Variants in SYNE2 observed in about 807,000 individuals in gnomAD.
The protein encoded by SYNE2 is spectrin repeat containing nuclear envelope protein 2, also known as nesprin-2.
SYNE2 carries 431 observed loss-of-function variants against 856.3 expected under a neutral mutation model. The observed-to-expected ratio is 0.50, with a 90% CI of 0.47 to 0.55. The LOEUF is 0.55. SYNE2 is among the 20% of genes least tolerant of loss of function. SYNE2 has a pLI of 0.00. For missense variants in SYNE2, 8,129 were observed against 8,023.2 expected, an observed-to-expected ratio of 1.01 and a Z score of -0.50; for synonymous variants, 2,923 against 2,872.3, an observed-to-expected ratio of 1.02 and a Z score of -0.56.
chr14:63,996,829 A>G, intron 23 of SYNE2, 118 bp from the exon 24 acceptor site: 5 of 930,354 alleles, frequency 5.4e-6, no homozygotes, highest in Non-Finnish European at 6.8e-6. Flanking sequence ...CATAGCATGT[A>G]GATGGCCTAT....
chr14:64,025,054 T>C (rs993667654), intron 40 of SYNE2, 23 bp downstream of exon 40: 3 of 1,614,016 alleles, frequency 1.9e-6, no homozygotes, highest in Non-Finnish European at 2.5e-6. Context: ...TTGTATGAAA[T>C]ACATTACCTG....
intron 63 of SYNE2, among the ~76,000 whole-genome samples, chr14:64,100,940 G>A (rs2097723937): frequency 1.3e-5 from 2 of 151,714 alleles, no homozygotes; most frequent in Non-Finnish European, 1.5e-5. Context: ...TCACTTAACA[G>A]AAGATCCTCT....
At chr14:64,150,074 C>G (rs182311455) in intron 84 of SYNE2, among the ~76,000 whole-genome samples, 170 of 127,198 alleles carry the variant, frequency 1.3e-3, no homozygotes, top group Non-Finnish European at 1.9e-3. Flanking sequence ...TGCAGTGTTG[C>G]AATCATAACT....
At chr14:64,174,918 C>A in intron 94 of SYNE2, 26 bp from the exon 95 acceptor site, 1 of 1,606,858 alleles carries the variant, frequency 6.2e-7, no homozygotes, top group Non-Finnish European at 8.5e-7. Context: ...GAAACCTAAG[C>A]AAATTACTTC....
intron 70 of SYNE2, 96 bp downstream of exon 70, chr14:64,122,523 G>A: frequency 1.3e-6 from 2 of 1,541,450 alleles, no homozygotes; most frequent in Non-Finnish European, 1.8e-6. Flanking sequence ...AGAAAGCAAA[G>A]TTGCCAAGTG....
Position 64,029,939 on chromosome 14 carries a change from A to C in SYNE2, c.6759A>C (p.Ser2253=). 1 of 1,614,106 alleles carries C rather than the reference A, an allele frequency of 6.2e-7. No individual in the cohort carries two copies. Among genetic ancestry groups the C allele is most frequent in the Non-Finnish European group, 8.5e-7 (1 of 1,180,004 alleles). ...NLDGHVREHD[S]YQVCVTDLNT... ...ACGGTCACGTTCGAGAACATGATTC[A>C]TACCAGGTTTGCGTCACAGACCTGA... Residue 2253 remains serine (S), a synonymous_variant, in exon 44 of 116, where the codon TCA becomes TCC. Transcript: ENST00000555002.
intron 1 of SYNE2, among the ~76,000 whole-genome samples, chr14:63,894,986 T>C (rs1446310673): frequency 1.3e-5 from 2 of 152,248 alleles, no homozygotes; most frequent in African/African-American, 4.8e-5. Context: ...TAGCATGTTG[T>C]CTACAAATTA....
chr14:63,852,892 G>A (rs1890683064), upstream of SYNE2: 1 of 151,728 alleles, frequency 6.6e-6, no homozygotes, highest in South Asian at 2.1e-4. Flanking sequence ...TGGCGGGCGC[G>A]CTCTACACTG....
At chr14:63,816,468 A>C (rs1205385423) in intron 1 of SYNE2, among the ~76,000 whole-genome samples, 1 of 152,242 alleles carries the variant, frequency 6.6e-6, no homozygotes, top group East Asian at 1.9e-4. Context: ...TACCCAAAAT[A>C]TGCTACCTTG....
In SYNE2 at chr14:64,132,409, T is replaced by C. The variant is rs1326268470; in HGVS notation, c.14485T>C (p.Cys4829Arg). ...VKILEEKSRQ[C>R]GMKLQSLLQK... ...AATACTAGAAGAAAAGTCACGCCAA[T>C]GTGGTATGAAGCTGCAGAGTTTGTT... The change falls in exon 77 of 116, where the codon TGT (cysteine) becomes CGT (arginine). Residue 4829 changes from cysteine (C) to arginine (R), a missense_variant. Transcript: ENST00000555002. 4.3e-6 allele frequency: 7 copies of C among 1,614,036 alleles called. No homozygotes were observed. Among genetic ancestry groups the C allele is most frequent in the South Asian group, 3.3e-5 (3 of 91,086 alleles).
chr14:64,172,750 G>A (rs1320191194), intron 94 of SYNE2, among the ~76,000 whole-genome samples: 1 of 151,974 alleles, frequency 6.6e-6, no homozygotes, highest in Non-Finnish European at 1.5e-5. Context: ...GTACAACATA[G>A]TGAGACCCCT....
chr14:63,788,850 C>T (rs1026865336), intron 1 of SYNE2, among the ~76,000 whole-genome samples: 8 of 152,168 alleles, frequency 5.3e-5, no homozygotes, highest in African/African-American at 1.9e-4. Context: ...CCAGCAATTC[C>T]GCTGCTGCGT....
chr14:64,196,880 A>C (rs1219322552), intron 99 of SYNE2: 1 of 152,176 alleles, frequency 6.6e-6, no homozygotes, highest in African/African-American at 2.4e-5. Context: ...AGCAGGGGAG[A>C]AGGTGTCTTC....
At chr14:64,009,220 A>G (rs1040216545) in intron 31 of SYNE2, among the ~76,000 whole-genome samples, 1 of 152,090 alleles carries the variant, frequency 6.6e-6, no homozygotes, top group African/African-American at 2.4e-5. Flanking sequence ...AAAAGACTAA[A>G]TCCAGAATGA....
chr14:63,772,085 G>T (rs1390566787), intron 1 of SYNE2, among the ~76,000 whole-genome samples: 1 of 152,226 alleles, frequency 6.6e-6, no homozygotes, highest in African/African-American at 2.4e-5. Context: ...GGGTGTGGTG[G>T]CTCATGCCTG....
At chr14:64,149,043 C>T (rs936196802) in intron 84 of SYNE2, among the ~76,000 whole-genome samples, 1 of 150,206 alleles carries the variant, frequency 6.7e-6, no homozygotes, top group Non-Finnish European at 1.5e-5. Context: ...TGCAGTTGCT[C>T]ACACCTGTAA....
intron 97 of SYNE2, among the ~76,000 whole-genome samples, chr14:64,187,924 A>T (rs1233147040): frequency 1.3e-5 from 2 of 152,184 alleles, no homozygotes; most frequent in South Asian, 2.1e-4. Context: ...ATAATGGGGT[A>T]TTGGGTATTT....
At chr14:63,878,629 A>T (rs1310728304) in intron 1 of SYNE2, among the ~76,000 whole-genome samples, 1 of 151,722 alleles carries the variant, frequency 6.6e-6, no homozygotes, top group African/African-American at 2.4e-5. Context: ...TGCAGCTTTC[A>T]CCTCCCAGGT....
intron 66 of SYNE2, among the ~76,000 whole-genome samples, chr14:64,113,897 A>T (rs1214289884): frequency 6.6e-6 from 1 of 152,164 alleles, no homozygotes; most frequent in Non-Finnish European, 1.5e-5. Flanking sequence ...TAAATAAGGT[A>T]TTTAAAGTAG....
Sources: allele counts gnomAD v4.1 joint callset (sites outside exome capture counted in the v4.1 genomes callset), GRCh38; gene constraint gnomAD v4.1.1; transcripts MANE v1.5; gene names NCBI Gene and HGNC (gene_info 2026-07-23, HGNC 2026-07-21).